Variants in MYT1L observed in about 807,000 individuals in gnomAD.
The protein encoded by MYT1L is myelin transcription factor 1 like.
A neutral mutation model predicts 126.7 loss-of-function variants in MYT1L; 12 were observed. The observed-to-expected ratio is 0.09, with a 90% CI of 0.06 to 0.15. MYT1L has a LOEUF of 0.15. Among genes scored for constraint, MYT1L ranks in the 10% least tolerant of loss-of-function variants. The pLI, the probability that MYT1L is intolerant of heterozygous loss-of-function variation, is 1.00. For synonymous variants in MYT1L, 541 were observed against 604.2 expected (o/e 0.90, Z 1.53); for missense variants, 979 against 1,585.2 (o/e 0.62, Z 6.49).
chr2:1,842,903 C>G (rs376716957), intron 19 of MYT1L: 2 of 177,470 alleles, frequency 1.1e-5, no homozygotes, highest in African/African-American at 2.4e-5. Context: ...CCAGGCGCTT[C>G]CGCTTCCAGG....
chr2:1,960,316 C>T (rs993274824), intron 8 of MYT1L, among the ~76,000 whole-genome samples: 5 of 152,192 alleles, frequency 3.3e-5, no homozygotes, highest in Admixed American at 1.3e-4. Context: ...GGTGCTCATC[C>T]GCACTTTACA....
chr2:2,017,574 T>G (rs1365824146), intron 4 of MYT1L, among the ~76,000 whole-genome samples: 1 of 152,190 alleles, frequency 6.6e-6, no homozygotes, highest in Non-Finnish European at 1.5e-5. Flanking sequence ...CAGGGTCCAA[T>G]AGACACAACT....
chr2:2,136,750 C>G, intron 3 of MYT1L, among the ~76,000 whole-genome samples: 1 of 152,154 alleles, frequency 6.6e-6, no homozygotes, highest in Non-Finnish European at 1.5e-5. Flanking sequence ...TTGGCATAAA[C>G]TGGAAGCATT....
intron 1 of MYT1L, among the ~76,000 whole-genome samples, chr2:2,293,156 G>A (rs535143873): frequency 8.5e-5 from 13 of 152,280 alleles, no homozygotes; most frequent in East Asian, 1.9e-4. Context: ...CAAAACTGTC[G>A]TTGACATCAG....
intron 3 of MYT1L, among the ~76,000 whole-genome samples, chr2:2,129,467 G>A (rs2082091656): frequency 6.6e-6 from 1 of 152,174 alleles, no homozygotes; most frequent in South Asian, 2.1e-4. Context: ...ATGGCAGAAA[G>A]TGTGTGATAA....
intron 2 of MYT1L, among the ~76,000 whole-genome samples, chr2:2,216,942 G>C (rs1225465773): frequency 1.3e-5 from 2 of 152,048 alleles, no homozygotes; most frequent in East Asian, 1.9e-4. Flanking sequence ...AGAAAAATTT[G>C]ATTTGAAAGA....
rs1171106677 is a variant in MYT1L, at chr2:1,789,429, C to T, written c.*2438G>A. 1 of 152,156 alleles carries T rather than the reference C, an allele frequency of 6.6e-6. No individual in the cohort carries two copies. Among genetic ancestry groups the T allele is most frequent in the African/African-American group, 2.4e-5 (1 of 41,420 alleles). 9.4% of individuals were successfully genotyped at this position (152,156 alleles called of 1,614,324 possible). On this transcript the variant is annotated 3_prime_UTR_variant, in exon 25 of 25. Transcript: ENST00000647738. ...AGTTATAATAAACTCTGATGACTCA[C>T]AATAATCCATATGAAAGGTCAGCAT... is the stretch of plus-strand genomic sequence containing the variant.
intron 5 of MYT1L, among the ~76,000 whole-genome samples, chr2:1,981,619 T>G (rs983836510): frequency 6.6e-6 from 1 of 152,038 alleles, no homozygotes; most frequent in Non-Finnish European, 1.5e-5. Flanking sequence ...CCACGTGCAG[T>G]GTTGGAAGGG....
chr2:2,255,690 G>C (rs571953697), intron 2 of MYT1L, among the ~76,000 whole-genome samples: 1 of 152,238 alleles, frequency 6.6e-6, no homozygotes, highest in South Asian at 2.1e-4. Context: ...GCACATACCC[G>C]TGTGGATGCC....
At chr2:1,804,661 T>C (rs1218769893) in intron 22 of MYT1L, among the ~76,000 whole-genome samples, 2 of 152,348 alleles carry the variant, frequency 1.3e-5, no homozygotes, top group Admixed American at 1.3e-4. Flanking sequence ...GAGAGACCAG[T>C]GTCCCATGGT....
chr2:2,092,384 G>A (rs1013702097), intron 3 of MYT1L, among the ~76,000 whole-genome samples: 2 of 152,204 alleles, frequency 1.3e-5, no homozygotes, highest in African/African-American at 4.8e-5. Context: ...TCCAATGGGT[G>A]CTGTTTGCAG....
intron 3 of MYT1L, among the ~76,000 whole-genome samples, chr2:2,129,129 C>T (rs1301747831): frequency 6.6e-6 from 1 of 152,112 alleles, no homozygotes; most frequent in Non-Finnish European, 1.5e-5. Flanking sequence ...GACGCTAATC[C>T]ACAAACCCAG....
intron 9 of MYT1L, among the ~76,000 whole-genome samples, chr2:1,934,725 T>C (rs1056250193): frequency 7.7e-6 from 1 of 130,270 alleles, no homozygotes; most frequent in Admixed American, 7.5e-5. Context: ...GTCTCTGTCA[T>C]GTACACACAC....
chr2:2,032,225 A>AC (rs1270658469), intron 4 of MYT1L, among the ~76,000 whole-genome samples: 31 of 23,528 alleles, frequency 1.3e-3, no homozygotes, highest in South Asian at 2.3e-3. Context: ...CCTTACACAC[A>AC]CCCTCGCCAG....
At chr2:1,999,886 C>A (rs995247785) in intron 4 of MYT1L, among the ~76,000 whole-genome samples, 3 of 152,174 alleles carry the variant, frequency 2.0e-5, no homozygotes, top group African/African-American at 7.2e-5. Flanking sequence ...AAGTATGCTA[C>A]AATTCATATT....
intron 2 of MYT1L, among the ~76,000 whole-genome samples, chr2:2,210,595 T>G (rs1248288928): frequency 6.6e-6 from 1 of 152,178 alleles, no homozygotes; most frequent in Non-Finnish European, 1.5e-5. Context: ...TGTGTCTGTT[T>G]TTATGCCAGT....
chr2:2,161,519 C>T (rs1414221232), intron 3 of MYT1L, among the ~76,000 whole-genome samples: 1 of 152,246 alleles, frequency 6.6e-6, no homozygotes, highest in Non-Finnish European at 1.5e-5. Flanking sequence ...GGCTCAGCCC[C>T]ACTTGTGCCT....
At chr2:2,143,444 A>G (rs977249441) in intron 3 of MYT1L, among the ~76,000 whole-genome samples, 2 of 152,086 alleles carry the variant, frequency 1.3e-5, no homozygotes, top group Non-Finnish European at 2.9e-5. Context: ...ACATGGCCAC[A>G]CTTCCTGCAA....
intron 2 of MYT1L, among the ~76,000 whole-genome samples, chr2:2,245,882 G>A (rs1024044022): frequency 5.9e-5 from 9 of 152,220 alleles, no homozygotes; most frequent in Non-Finnish European, 1.2e-4. Context: ...GGAGGCTGGG[G>A]CTAGGAGCTG....
Sources: gnomAD v4.1 joint callset for allele counts (sites outside exome capture counted in the v4.1 genomes callset) on GRCh38, gnomAD v4.1.1 for gene constraint, MANE v1.5 for transcripts, NCBI Gene and HGNC (gene_info 2026-07-23, HGNC 2026-07-21) for gene names.